Variants in PGS1 observed in about 807,000 individuals in gnomAD.
PGS1 encodes the protein CDP-diacylglycerol--glycerol-3-phosphate 3-phosphatidyltransferase, mitochondrial.
A neutral mutation model predicts 58.3 loss-of-function variants in PGS1; 44 were observed. The observed-to-expected ratio is 0.75, with a 90% CI of 0.59 to 0.97. The LOEUF (loss-of-function observed/expected upper bound fraction) is 0.97. Ranked by LOEUF, PGS1 falls within the 50% of genes least tolerant of loss-of-function variation. PGS1 has a pLI of 0.00. For missense variants in PGS1, 684 were observed against 731.1 expected (o/e 0.94, Z 0.74); for synonymous variants, 330 against 311.0 (o/e 1.06, Z -0.64).
intron 7 of PGS1, among the ~76,000 whole-genome samples, chr17:78,406,583 A>G (rs959776403): frequency 6.6e-6 from 1 of 152,244 alleles, no homozygotes; most frequent in Non-Finnish European, 1.5e-5. Flanking sequence ...TGCAGGACCC[A>G]TCCTGGCATG....
chr17:78,397,242 G>A (rs1387637960), intron 3 of PGS1, among the ~76,000 whole-genome samples: 1 of 108,042 alleles, frequency 9.3e-6, no homozygotes, highest in East Asian at 2.9e-4. Context: ...TGAGATCACT[G>A]CTTTCTCTTG....
intron 1 of PGS1, among the ~76,000 whole-genome samples, chr17:78,388,210 A>G (rs577821538): frequency 3.5e-4 from 54 of 152,338 alleles, no homozygotes; most frequent in Admixed American, 1.6e-3. Context: ...CTGCCTGGTA[A>G]GGAGGAGACC....
intron 1 of PGS1, among the ~76,000 whole-genome samples, chr17:78,382,475 T>G (rs1437930746): frequency 6.6e-6 from 1 of 152,002 alleles, no homozygotes; most frequent in Non-Finnish European, 1.5e-5. Flanking sequence ...GCTCAGGTTT[T>G]GGGGATGATG....
chr17:78,380,282 C>T (rs1038812691), intron 1 of PGS1, among the ~76,000 whole-genome samples: 7 of 152,150 alleles, frequency 4.6e-5, no homozygotes, highest in Non-Finnish European at 7.4e-5. Flanking sequence ...GTGTACTCCT[C>T]GGGTGAGATT....
intron 1 of PGS1, 144 bp downstream of exon 1, chr17:78,378,952 G>GCCAACAA: frequency 2.2e-6 from 2 of 914,448 alleles, no homozygotes; most frequent in Non-Finnish European, 3.0e-6. Flanking sequence ...CCCGGGGCTC[G>GCCAACAA]GCGCCTGACC....
At chr17:78,402,816 C>T (rs984454733) in intron 6 of PGS1, among the ~76,000 whole-genome samples, 5 of 152,160 alleles carry the variant, frequency 3.3e-5, no homozygotes, top group African/African-American at 1.2e-4. Context: ...TTGTTTCTTT[C>T]CCCTGTCTTC....
At chr17:78,396,029 T>A (rs1409357835) in intron 2 of PGS1, among the ~76,000 whole-genome samples, 1 of 152,276 alleles carries the variant, frequency 6.6e-6, no homozygotes, top group African/African-American at 2.4e-5. Flanking sequence ...CGTGAGCCAC[T>A]ACACCCAGCC....
intron 1 of PGS1, among the ~76,000 whole-genome samples, chr17:78,391,767 T>G (rs1344898574): frequency 6.6e-6 from 1 of 152,034 alleles, no homozygotes; most frequent in East Asian, 1.9e-4. Context: ...TGTGAGCCAC[T>G]GCACCCAGCC....
At position 78,399,457 on chromosome 17, in the gene PGS1, C is replaced by T. The variant is rs1455823002; in HGVS notation, c.621C>T (p.Leu207=). The T allele has an allele frequency of 1.2e-6, 2 of 1,614,218 alleles. No individual in the cohort carries two copies. The highest frequency in any genetic ancestry group is 1.7e-6 in the Non-Finnish European group (2 of 1,180,034). ...ACCTCCGTGGGCTGCTTCGGCTCCT[C>T]ATCCCTGAGCGCTTCAACGAGACCA... ...TPHLRGLLRL[L]IPERFNETIG... Residue 207 remains leucine (L), a synonymous_variant, in exon 5 of 10, where the codon CTC becomes CTT. Transcript: ENST00000262764.
intron 7 of PGS1, among the ~76,000 whole-genome samples, chr17:78,411,902 C>CT (rs35472026): frequency 0.54 from 31,382 of 57,918 alleles, 12,163 homozygotes; most frequent in Non-Finnish European, 0.61. Context: ...AGGGCTCCTG[C>CT]TTTTTTTTTT....
At chr17:78,423,576 G>A (rs555186254) in intron 9 of PGS1, 3 of 318,996 alleles carry the variant, frequency 9.4e-6, no homozygotes, top group Admixed American at 8.3e-5. Context: ...CCCCCGGGAA[G>A]TCAGGATTTG....
chr17:78,382,275 G>GAGGA (rs2082085487), intron 1 of PGS1, among the ~76,000 whole-genome samples: 1 of 152,154 alleles, frequency 6.6e-6, no homozygotes, highest in Admixed American at 6.5e-5. Context: ...AGCCAGTCTG[G>GAGGA]GCCAGAGACC....
intron 1 of PGS1, among the ~76,000 whole-genome samples, chr17:78,391,534 G>C (rs1302342865): frequency 6.6e-6 from 1 of 152,150 alleles, no homozygotes; most frequent in African/African-American, 2.4e-5. Flanking sequence ...CTGGGGTGCA[G>C]TGGTGCGATC....
At chr17:78,404,366 C>T (rs529065553) in intron 7 of PGS1, among the ~76,000 whole-genome samples, 3 of 150,608 alleles carry the variant, frequency 2.0e-5, no homozygotes, top group Non-Finnish European at 4.4e-5. Flanking sequence ...ACCGCAACCT[C>T]CACTTCCCGG....
rs1260187010 is a variant in PGS1 at position 78,419,438 on chromosome 17, A to C, written c.1552-108A>C. On this transcript the variant is annotated intron_variant, in intron 8 of 9. Transcript: ENST00000262764. ...ATCTCTGGGCCAGGTAGACATGGGAAGTCAGGGTTTTCTGGGCTGGCCTGA... is the reference window on the plus strand; with the variant it reads ...ATCTCTGGGCCAGGTAGACATGGGACGTCAGGGTTTTCTGGGCTGGCCTGA... The C allele has an allele frequency of 3.3e-6, 3 of 917,342 alleles. No individual in the cohort carries two copies. In the East Asian group the frequency reaches 7.4e-5, roughly 22 times the overall value. The allele number at this position is 917,342 out of a possible 1,614,324, so 56.8% of individuals were successfully genotyped here.
Position 78,386,064 on chromosome 17 carries a change from T to C in PGS1, c.144-6412T>C, listed in dbSNP as rs373952320. 1.4e-3 allele frequency among the ~76,000 whole-genome samples: 217 copies of C among 152,302 alleles called. 2 individuals carry two copies. The highest frequency in any genetic ancestry group is 4.8e-3 in the African/African-American group (201 of 41,568). ...GTCCTCAGCACTTAGGCCCAGCCCA[T>C]TCCTCAGTTCAGGGAATTTGCCTGC... is the stretch of plus-strand genomic sequence containing the variant. On this transcript the variant is annotated intron_variant, in intron 1 of 9. Transcript: ENST00000262764.
intron 1 of PGS1, among the ~76,000 whole-genome samples, chr17:78,387,428 T>G (rs887946019): frequency 2.0e-5 from 3 of 151,114 alleles, no homozygotes; most frequent in Middle Eastern, 3.4e-3. Flanking sequence ...GCCTCCCGAG[T>G]AGCTGGGATT....
chr17:78,418,218 C>T (rs2085371427), intron 8 of PGS1, among the ~76,000 whole-genome samples: 1 of 152,140 alleles, frequency 6.6e-6, no homozygotes, highest in Non-Finnish European at 1.5e-5. Flanking sequence ...GTGTGAGCCA[C>T]CGCGCCCGGC....
At chr17:78,392,416 C>T in intron 1 of PGS1, 60 bp from the exon 2 acceptor site, 1 of 1,265,372 alleles carries the variant, frequency 7.9e-7, no homozygotes, top group Non-Finnish European at 1.1e-6. Context: ...CTGAGGGGGG[C>T]TTCTGCAGAA....
Sources: gnomAD v4.1 joint callset for allele counts (sites outside exome capture counted in the v4.1 genomes callset) on GRCh38, gnomAD v4.1.1 for gene constraint, MANE v1.5 for transcripts, NCBI Gene and HGNC (gene_info 2026-07-23, HGNC 2026-07-21) for gene names.